The following TMEM164 variants were observed in gnomAD, a reference collection of about 807,000 sequenced individuals.
TMEM164 encodes the protein RP13-360B22.2.
TMEM164 carries 4 observed loss-of-function variants against 18.8 expected under a neutral mutation model. The observed-to-expected ratio is 0.21, with a 90% CI of 0.10 to 0.49. The LOEUF (loss-of-function observed/expected upper bound fraction) is 0.49. TMEM164 is among the 20% of genes least tolerant of loss of function. TMEM164 has a pLI of 0.98. For missense variants in TMEM164, 108 were observed against 239.9 expected (o/e 0.45, Z 3.63); for synonymous variants, 86 against 101.7 (o/e 0.85, Z 0.93).
chrX:110,096,664 G>T (rs756976972), intron 3 of TMEM164, among the ~76,000 whole-genome samples: 1 of 112,049 alleles, frequency 8.9e-6, no homozygotes, highest in Non-Finnish European at 1.9e-5. Context: ...GCCCTGCTTC[G>T]GCTCATGCTT....
intron 2 of TMEM164, among the ~76,000 whole-genome samples, chrX:110,039,337 C>A (rs757096763): frequency 8.9e-6 from 1 of 112,429 alleles, no homozygotes; most frequent in East Asian, 2.8e-4. Context: ...GGGCAAGAGA[C>A]ATTGGGTGTG....
At chrX:110,070,168 T>C (rs1165747849) in intron 3 of TMEM164, among the ~76,000 whole-genome samples, 1 of 110,917 alleles carries the variant, frequency 9.0e-6, no homozygotes, top group Non-Finnish European at 1.9e-5. Flanking sequence ...ATACAAAAAT[T>C]AGCCAGGCAT....
intron 2 of TMEM164, among the ~76,000 whole-genome samples, chrX:110,047,524 C>T (rs1182150773): frequency 8.9e-6 from 1 of 112,049 alleles, no homozygotes; most frequent in African/African-American, 3.2e-5. Flanking sequence ...CTAATAGGCA[C>T]TGCATAATGC....
At chrX:110,021,645 C>G (rs5985267) in intron 2 of TMEM164, among the ~76,000 whole-genome samples, 20,988 of 110,187 alleles carry the variant, frequency 0.19, 2,503 homozygotes, top group African/African-American at 0.44. Flanking sequence ...TGAGAAGGGA[C>G]AAATGGAATA....
At position 110,108,973 on chromosome X, in the gene TMEM164, T is replaced by C. The variant is rs1014332961; in HGVS notation, c.441-107T>C. On this transcript the variant is annotated intron_variant, in intron 3 of 6. Transcript: ENST00000372068. ...GCCATTTTCCACAGAGAGCAACTTGTATACATAGTTCTCTTCCATATGCCG... is the reference window on the plus strand; with the variant it reads ...GCCATTTTCCACAGAGAGCAACTTGCATACATAGTTCTCTTCCATATGCCG... 4 of 700,730 alleles carry C rather than the reference T, an allele frequency of 5.7e-6. No individual in the cohort carries two copies. The Admixed American group carries it at 7.1e-5, about 12-fold the overall frequency. 57.7% of individuals were successfully genotyped at this position (700,730 alleles called of 1,213,427 possible).
At chrX:110,084,025 A>C (rs1370940231) in intron 3 of TMEM164, among the ~76,000 whole-genome samples, 1 of 111,143 alleles carries the variant, frequency 9.0e-6, no homozygotes, top group Non-Finnish European at 1.9e-5. Flanking sequence ...AAATAATAGC[A>C]GTACTAGCAG....
At chrX:110,064,005 T>C (rs183667507) in intron 2 of TMEM164, among the ~76,000 whole-genome samples, 4 of 111,424 alleles carry the variant, frequency 3.6e-5, no homozygotes, top group Admixed American at 9.5e-5. Flanking sequence ...TTAAGGGACC[T>C]GGGCTCTCAT....
At chrX:110,117,503 A>G (rs1053241947) in intron 4 of TMEM164, among the ~76,000 whole-genome samples, 5 of 112,149 alleles carry the variant, frequency 4.5e-5, no homozygotes, top group African/African-American at 1.6e-4. Context: ...AATGATAAAT[A>G]CTCAAGGGCA....
rs1284768088 is a variant in TMEM164, at chrX:110,004,107, C to T, written c.333C>T (p.Phe111=). 8.3e-7 allele frequency: 1 copy of T among 1,209,333 alleles called. No individual in the cohort carries two copies. The highest frequency in any genetic ancestry group is 1.1e-6 in the Non-Finnish European group (1 of 894,957). The change falls in exon 2 of 7, where the codon TTC becomes TTT. Residue 111 remains phenylalanine (F), a synonymous_variant. Transcript: ENST00000372068. ...LTFGVEVGFK[F]ATKTVIYLLN... Reference sequence around the variant, plus strand: ...TCGGGGTGGAGGTGGGCTTTAAGTTCGCCACCAAGACCGTCATCTACCTGC... The same window carrying T: ...TCGGGGTGGAGGTGGGCTTTAAGTTTGCCACCAAGACCGTCATCTACCTGC...
At chrX:110,027,728 C>G (rs1298130775) in intron 2 of TMEM164, among the ~76,000 whole-genome samples, 1 of 109,862 alleles carries the variant, frequency 9.1e-6, no homozygotes, top group Non-Finnish European at 1.9e-5. Context: ...CCACTGCACT[C>G]CAGCCTGGGC....
intron 2 of TMEM164, among the ~76,000 whole-genome samples, chrX:110,016,746 C>G (rs952021453): frequency 2.7e-5 from 3 of 110,177 alleles, no homozygotes; most frequent in Non-Finnish European, 3.8e-5. Context: ...AGCCTTGACC[C>G]CTTGGGCTCA....
chrX:110,100,950 G>T (rs2066101939), intron 3 of TMEM164, among the ~76,000 whole-genome samples: 1 of 110,492 alleles, frequency 9.1e-6, no homozygotes, highest in Admixed American at 9.7e-5. Context: ...GGATTTTTGT[G>T]TCTGTTGTTC....
At chrX:110,066,301 A>G (rs1055478988) in intron 2 of TMEM164, among the ~76,000 whole-genome samples, 4 of 112,146 alleles carry the variant, frequency 3.6e-5, no homozygotes, top group African/African-American at 9.7e-5. Context: ...GCTCTCAACA[A>G]TATAGGGACA....
intron 3 of TMEM164, among the ~76,000 whole-genome samples, chrX:110,096,482 G>A (rs986552281): frequency 5.3e-5 from 6 of 112,908 alleles, no homozygotes; most frequent in Non-Finnish European, 9.4e-5. Flanking sequence ...GGGACCCTCC[G>A]AGGCCAGGTG....
intron 2 of TMEM164, among the ~76,000 whole-genome samples, chrX:110,024,945 G>A (rs1376608621): frequency 9.0e-6 from 1 of 111,283 alleles, no homozygotes. Flanking sequence ...AATACTATTA[G>A]AATGGTAGGC....
chrX:110,172,773 C>T (rs983234386), intron 6 of TMEM164, among the ~76,000 whole-genome samples: 1 of 111,988 alleles, frequency 8.9e-6, no homozygotes, highest in Non-Finnish European at 1.9e-5. Flanking sequence ...GACTCAGCCC[C>T]CATATTGTAT....
intron 4 of TMEM164, among the ~76,000 whole-genome samples, chrX:110,121,811 A>G (rs1405803288): frequency 8.9e-6 from 1 of 112,420 alleles, no homozygotes; most frequent in Non-Finnish European, 1.9e-5. Flanking sequence ...CCAGCAATGT[A>G]TGAGCATTCC....
intron 2 of TMEM164, among the ~76,000 whole-genome samples, chrX:110,059,392 A>G (rs1477149903): frequency 8.9e-6 from 1 of 111,793 alleles, no homozygotes; most frequent in East Asian, 2.8e-4. Context: ...CATAAGTTGA[A>G]ATCAGGCTGT....
chrX:110,166,964 T>G (rs1316093044), intron 5 of TMEM164, among the ~76,000 whole-genome samples: 1 of 112,190 alleles, frequency 8.9e-6, no homozygotes, highest in Non-Finnish European at 1.9e-5. Context: ...TCAGAGTACT[T>G]TCTTTTTTTA....
Sources: gnomAD v4.1 joint callset for allele counts (sites outside exome capture counted in the v4.1 genomes callset) on GRCh38, gnomAD v4.1.1 for gene constraint, MANE v1.5 for transcripts, NCBI Gene and HGNC (gene_info 2026-07-23, HGNC 2026-07-21) for gene names.